Variants in ZNF845 observed in about 807,000 individuals in gnomAD.
The protein encoded by ZNF845 is zinc finger protein 845.
A neutral mutation model predicts 76.1 loss-of-function variants in ZNF845; 59 were observed. The observed-to-expected ratio is 0.78, with a 90% CI of 0.63 to 0.96. ZNF845 has a LOEUF of 0.96. ZNF845 is among the 40% of genes least tolerant of loss of function. The probability of loss-of-function intolerance (pLI) is 0.00; values close to 1 mark genes in which losing one functional copy is unlikely to be tolerated. For synonymous variants in ZNF845, 361 were observed against 386.9 expected (o/e 0.93, Z 0.78); for missense variants, 1,045 against 1,172.8 (o/e 0.89, Z 1.59).
chr19:53,351,954 G>A lies in ZNF845; in HGVS notation c.1279G>A (p.Val427Ile), dbSNP rs112453026. Residue 427 changes from valine (V) to isoleucine (I), a missense_variant, in exon 4 of 4, where the codon GTA becomes ATA. Coordinates refer to ENST00000458035, the MANE Select transcript of ZNF845 (RefSeq NM_138374.3). Reference sequence around the variant, plus strand: ...GACCTTCAGTCAGATGTCATCCCTTGTATACCATCGTAGACTTCATACTGG... The same window carrying A: ...GACCTTCAGTCAGATGTCATCCCTTATATACCATCGTAGACTTCATACTGG... Reference protein sequence around the residue: ...GKTFSQMSSLVYHRRLHTGEK... With the variant: ...GKTFSQMSSLIYHRRLHTGEK... The A allele has an allele frequency of 1.9e-3, 3,047 of 1,613,644 alleles. 42 individuals are homozygous for A. In the African/African-American group the frequency reaches 0.033, roughly 18 times the overall value.
chr19:53,346,239 T>C, intron 3 of ZNF845: 2 of 273,416 alleles, frequency 7.3e-6, no homozygotes, highest in South Asian at 5.5e-5. Flanking sequence ...ATTTCTCATT[T>C]ATTACTTTTT....
rs531611276 is a variant in ZNF845, at chr19:53,352,823, G to T, written c.2148G>T (p.Glu716Asp). The change falls in exon 4 of 4, where the codon GAG (glutamate) becomes GAT (aspartate). Residue 716 changes from glutamate to aspartate, a missense_variant. Glu to Asp is a conservative substitution (Grantham distance 45, BLOSUM62 2). Coordinates refer to ENST00000458035, the MANE Select transcript of ZNF845 (RefSeq NM_138374.3). ...TTCACAAGGCAATTCATACTGGAGA[G>T]AAACCTTACAAGTGTAATGAGTGTG... is the stretch of plus-strand genomic sequence containing the variant. The part of the protein sequence containing the change: ...LIIHKAIHTG[E>D]KPYKCNECGK... The T allele has an allele frequency of 6.2e-7, 1 of 1,613,996 alleles. No homozygotes were observed. The highest frequency in any genetic ancestry group is 1.7e-5 in the Admixed American group (1 of 60,008).
intron 2 of ZNF845, among the ~76,000 whole-genome samples, chr19:53,343,737 T>C (rs905059085): frequency 6.6e-6 from 1 of 152,208 alleles, no homozygotes; most frequent in Non-Finnish European, 1.5e-5. Context: ...ATCTAGTTTT[T>C]TGTGAGTCTG....
intron 3 of ZNF845, among the ~76,000 whole-genome samples, chr19:53,349,554 C>T (rs1006814930): frequency 2.0e-5 from 3 of 152,212 alleles, no homozygotes; most frequent in African/African-American, 7.2e-5. Flanking sequence ...AGGCGTGAAC[C>T]ACTGTGCCCG....
intron 1 of ZNF845, among the ~76,000 whole-genome samples, chr19:53,339,098 C>A (rs1356818179): frequency 6.6e-6 from 1 of 151,978 alleles, no homozygotes; most frequent in African/African-American, 2.4e-5. Context: ...GACTCCATCT[C>A]TAAATAAATA....
intron 1 of ZNF845, 114 bp downstream of exon 1, chr19:53,333,906 T>C (rs983908989): frequency 6.5e-6 from 1 of 154,800 alleles, no homozygotes; most frequent in African/African-American, 2.4e-5. Context: ...TTCCTTCACC[T>C]AGAGCAAATT....
intron 1 of ZNF845, among the ~76,000 whole-genome samples, chr19:53,336,633 C>CTTTCTTTTTTTTTTT (rs1181749089): frequency 6.5e-5 from 6 of 92,428 alleles, no homozygotes; most frequent in Non-Finnish European, 1.0e-4. Flanking sequence ...TTCTTTCTTT[C>CTTTCTTTTTTTTTTT]TTTTTTTTTT....
intron 1 of ZNF845, among the ~76,000 whole-genome samples, chr19:53,340,184 G>A (rs1272213422): frequency 2.0e-5 from 3 of 152,170 alleles, no homozygotes. Context: ...CCTGAGCAGT[G>A]GCGATTACAG....
At position 53,354,033 on chromosome 19, in the gene ZNF845, G is replaced by T; in HGVS notation, c.*445G>T. On this transcript the variant is annotated 3_prime_UTR_variant, in exon 4 of 4. Coordinates refer to ENST00000458035, the MANE Select transcript of ZNF845 (RefSeq NM_138374.3). ...TGTCATGATTGTGGCAAGGTCTTCA[G>T]TCTAGCTTCATCTTATGCAAAACAG... 1 of 479,638 alleles carries T rather than the reference G, an allele frequency of 2.1e-6. No homozygotes were observed. The highest frequency in any genetic ancestry group is 3.9e-6 in the Non-Finnish European group (1 of 253,590). The allele number at this position is 479,638 out of a possible 1,614,324, so 29.7% of individuals were successfully genotyped here. A position where few individuals can be genotyped will look rare whatever the true frequency, so the allele number is the denominator to read the frequency against.
chr19:53,348,608 C>T (rs1365502661), intron 3 of ZNF845, among the ~76,000 whole-genome samples: 1 of 152,182 alleles, frequency 6.6e-6, no homozygotes, highest in East Asian at 1.9e-4. Flanking sequence ...CCAATAAGAA[C>T]ATTCAGACCA....
In ZNF845 at chr19:53,354,285, A is replaced by G. The variant is rs1439944201; in HGVS notation, c.*697A>G. 2 of 421,618 alleles carry G rather than the reference A, an allele frequency of 4.7e-6. No homozygotes were observed. The highest frequency in any genetic ancestry group is 3.8e-5 in the South Asian group (2 of 53,140). 26.1% of individuals were successfully genotyped at this position (421,618 alleles called of 1,614,324 possible). The stretch of plus-strand genomic sequence containing the variant: ...CAATGAGTATAGCAAACCATCAAGC[A>G]TTAATTGGCATTAGAGTCAATTCAG... On this transcript the variant is annotated 3_prime_UTR_variant, in exon 4 of 4. Coordinates refer to ENST00000458035, the MANE Select transcript of ZNF845 (RefSeq NM_138374.3).
At chr19:53,345,707 A>G (rs543237844) in intron 3 of ZNF845, 75 bp downstream of exon 3, 80 of 1,598,696 alleles carry the variant, frequency 5.0e-5, no homozygotes, top group African/African-American at 1.8e-4. Flanking sequence ...TTTAGATACA[A>G]TGTCTTGCTC....
At chr19:53,342,510 A>G (rs1043513864) in intron 2 of ZNF845, among the ~76,000 whole-genome samples, 1 of 152,104 alleles carries the variant, frequency 6.6e-6, no homozygotes, top group African/African-American at 2.4e-5. Flanking sequence ...TGCAGCTTAG[A>G]CCCATTGCCA....
chr19:53,346,845 G>A (rs563136358), intron 3 of ZNF845, among the ~76,000 whole-genome samples: 1 of 152,072 alleles, frequency 6.6e-6, no homozygotes, highest in Admixed American at 6.6e-5. Flanking sequence ...ATGAAGAAAA[G>A]GTACACTTAT....
At chr19:53,339,468 T>C (rs1054209292) in intron 1 of ZNF845, among the ~76,000 whole-genome samples, 6 of 152,166 alleles carry the variant, frequency 3.9e-5, no homozygotes, top group African/African-American at 1.4e-4. Flanking sequence ...ATCCCCTCCC[T>C]CAAGTCTTCC....
chr19:53,353,486 T>A lies in ZNF845; in HGVS notation c.2811T>A (p.His937Gln), dbSNP rs192137297. ...NSVLVIHKTIHTGEKPYKCNE... is the reference protein window; with the variant it reads ...NSVLVIHKTIQTGEKPYKCNE... Reference sequence around the variant, plus strand: ...TCCTTGTAATTCATAAGACAATTCATACTGGAGAGAAACCTTACAAGTGTA... The same window carrying A: ...TCCTTGTAATTCATAAGACAATTCAAACTGGAGAGAAACCTTACAAGTGTA... The change falls in exon 4 of 4, where the codon CAT becomes CAA. Residue 937 changes from histidine to glutamine, a missense_variant. Physicochemically the swap from His to Gln is conservative, Grantham distance 24 (BLOSUM62 0). Coordinates refer to ENST00000458035, the MANE Select transcript of ZNF845 (RefSeq NM_138374.3). The A allele has an allele frequency of 5.1e-5, 82 of 1,613,822 alleles. 1 individual carries two copies. In the African/African-American group the frequency reaches 9.7e-4, roughly 19 times the overall value.
chr19:53,342,261 C>G (rs942427441), intron 2 of ZNF845, among the ~76,000 whole-genome samples: 2 of 151,720 alleles, frequency 1.3e-5, no homozygotes, highest in Non-Finnish European at 2.9e-5. Flanking sequence ...ATTATAGGCA[C>G]GCACCACCAC....
intron 1 of ZNF845, among the ~76,000 whole-genome samples, chr19:53,335,256 TTTAA>T (rs1242704207): frequency 6.6e-6 from 1 of 152,124 alleles, no homozygotes; most frequent in South Asian, 2.1e-4. Context: ...ATAATTTTAA[TTTAA>T]TTAATTAATT....
In ZNF845 at chr19:53,351,894, G is replaced by A. The variant is rs1400297684; in HGVS notation, c.1219G>A (p.Gly407Arg). ...TACACGCCATCGTAGACTTCATACT[G>A]GAGAGAAACCTTATAAGTGTAATGA... ...SLTRHRRLHT[G>R]EKPYKCNDCG... Residue 407 changes from glycine to arginine, a missense_variant, in exon 4 of 4, where the codon GGA (glycine) becomes AGA (arginine). Gly to Arg is a moderately radical substitution (Grantham distance 125). Coordinates refer to ENST00000458035, the MANE Select transcript of ZNF845 (RefSeq NM_138374.3). 5.0e-6 allele frequency: 8 copies of A among 1,613,800 alleles called. No individual in the cohort carries two copies. The East Asian group carries it at 1.1e-4, about 22-fold the overall frequency.
Sources: gnomAD v4.1 joint callset for allele counts (sites outside exome capture counted in the v4.1 genomes callset) on GRCh38, gnomAD v4.1.1 for gene constraint, MANE v1.5 for transcripts, NCBI Gene and HGNC (gene_info 2026-07-23, HGNC 2026-07-21) for gene names.